LRFN5: variants seen among roughly 807,000 people sequenced by gnomAD.
The protein encoded by LRFN5 is leucine-rich repeat and fibronectin type-III domain-containing protein 5.
A neutral mutation model predicts 45.6 loss-of-function variants in LRFN5; 24 were observed. The ratio of observed to expected loss-of-function variants is 0.53; its 90% CI spans 0.38 to 0.74. LRFN5 has a LOEUF of 0.74. Among genes scored for constraint, LRFN5 ranks in the 30% least tolerant of loss-of-function variants. LRFN5 has a pLI of 0.00. For missense variants in LRFN5, 776 were observed against 861.5 expected (o/e 0.90, Z 1.24); for synonymous variants, 340 against 313.8 (o/e 1.08, Z -0.88).
At chr14:41,792,033 A>G (rs770306592) in intron 2 of LRFN5, among the ~76,000 whole-genome samples, 3 of 152,054 alleles carry the variant, frequency 2.0e-5, no homozygotes, top group Admixed American at 6.6e-5. Context: ...TCTATTTTCC[A>G]TAAGTGTTGG....
At chr14:41,715,483 G>T (rs1461037519) in intron 1 of LRFN5, among the ~76,000 whole-genome samples, 1 of 152,098 alleles carries the variant, frequency 6.6e-6, no homozygotes, top group Non-Finnish European at 1.5e-5. Flanking sequence ...ACCTTATGTG[G>T]TATCTCACCT....
chr14:41,825,013 G>A (rs935826724), intron 2 of LRFN5, among the ~76,000 whole-genome samples: 13 of 152,182 alleles, frequency 8.5e-5, no homozygotes, highest in African/African-American at 2.9e-4. Flanking sequence ...GTTAATGGCT[G>A]TGGAAAATGC....
intron 2 of LRFN5, among the ~76,000 whole-genome samples, chr14:41,800,113 A>G (rs1008668370): frequency 1.3e-5 from 2 of 152,070 alleles, no homozygotes; most frequent in Non-Finnish European, 1.5e-5. Flanking sequence ...GGGCACTTCC[A>G]AAATTTGACA....
intron 1 of LRFN5, among the ~76,000 whole-genome samples, chr14:41,630,165 A>G (rs923218780): frequency 6.6e-6 from 1 of 152,144 alleles, no homozygotes; most frequent in African/African-American, 2.4e-5. Flanking sequence ...AATGCTAAGC[A>G]AAAGATTCAC....
chr14:41,729,052 G>T (rs1884056591), intron 1 of LRFN5, among the ~76,000 whole-genome samples: 1 of 152,124 alleles, frequency 6.6e-6, no homozygotes, highest in Admixed American at 6.6e-5. Flanking sequence ...CCAACAATGA[G>T]CTCAGTTTTT....
intron 2 of LRFN5, among the ~76,000 whole-genome samples, chr14:41,836,518 A>G (rs1318712520): frequency 6.6e-6 from 1 of 152,072 alleles, no homozygotes; most frequent in African/African-American, 2.4e-5. Context: ...GCATGTTTGT[A>G]TTTGTTATAG....
chr14:41,866,811 A>G (rs1889854987), intron 2 of LRFN5, among the ~76,000 whole-genome samples: 1 of 152,150 alleles, frequency 6.6e-6, no homozygotes, highest in South Asian at 2.1e-4. Flanking sequence ...TGATTTTAAC[A>G]CACATATGAC....
intron 2 of LRFN5, among the ~76,000 whole-genome samples, chr14:41,881,093 G>C (rs898962491): frequency 6.6e-6 from 1 of 152,030 alleles, no homozygotes; most frequent in Admixed American, 6.5e-5. Context: ...CATCCCATTC[G>C]TGTTTGAAGT....
At chr14:41,667,555 C>T (rs374711542) in intron 1 of LRFN5, among the ~76,000 whole-genome samples, 2 of 152,252 alleles carry the variant, frequency 1.3e-5, no homozygotes, top group African/African-American at 2.4e-5. Context: ...CTGGTGTCCA[C>T]GCTCCTGCCC....
At chr14:41,803,922 G>A (rs1466506910) in intron 2 of LRFN5, among the ~76,000 whole-genome samples, 1 of 152,094 alleles carries the variant, frequency 6.6e-6, no homozygotes, top group Non-Finnish European at 1.5e-5. Context: ...GGAGTGCAGT[G>A]GCACGATCTA....
At chr14:41,699,445 A>T (rs976440581) in intron 1 of LRFN5, 2 of 152,130 alleles carry the variant, frequency 1.3e-5, no homozygotes, top group Non-Finnish European at 1.5e-5. Flanking sequence ...TGAGAGATAG[A>T]ACAACATGTT....
At chr14:41,769,156 G>A (rs1885992249) in intron 2 of LRFN5, among the ~76,000 whole-genome samples, 1 of 151,272 alleles carries the variant, frequency 6.6e-6, no homozygotes, top group Non-Finnish European at 1.5e-5. Flanking sequence ...AAAATTCATA[G>A]GACATCCATT....
intron 2 of LRFN5, among the ~76,000 whole-genome samples, chr14:41,795,578 A>G (rs540810449): frequency 6.6e-6 from 1 of 152,248 alleles, no homozygotes; most frequent in African/African-American, 2.4e-5. Context: ...CATATACACC[A>G]TGGAATGCTA....
intron 2 of LRFN5, among the ~76,000 whole-genome samples, chr14:41,775,783 CAAAT>C (rs1197055196): frequency 6.6e-6 from 1 of 152,094 alleles, no homozygotes; most frequent in Admixed American, 6.6e-5. Context: ...GGAATATTCA[CAAAT>C]AAAATTATAT....
Position 41,688,917 on chromosome 14 carries a change from A to G in LRFN5, c.-196-77937A>G, listed in dbSNP as rs1237081578. ...GTGAGACCCTATTTCTACCAAAAAA[A>G]AAAAAAAAAAAGGAAAAAGAAAAAA... On this transcript the variant is annotated intron_variant, in intron 1 of 5. Transcript: ENST00000298119. Among the ~76,000 whole-genome samples the G allele has an allele frequency of 4.6e-5, 7 of 151,040 alleles. No individual in the cohort carries two copies. The South Asian group carries it at 1.2e-3, about 27-fold the overall frequency.
At chr14:41,643,085 G>C (rs1322190496) in intron 1 of LRFN5, among the ~76,000 whole-genome samples, 2 of 152,182 alleles carry the variant, frequency 1.3e-5, no homozygotes, top group Admixed American at 6.5e-5. Flanking sequence ...TATAATTTAG[G>C]AGCAAAATAC....
At chr14:41,825,489 G>A (rs1029862142) in intron 2 of LRFN5, among the ~76,000 whole-genome samples, 4 of 152,288 alleles carry the variant, frequency 2.6e-5, no homozygotes, top group African/African-American at 9.6e-5. Flanking sequence ...CCTTTGTCCC[G>A]AGGGGCATTC....
rs557190284 is a variant in LRFN5 at position 41,880,777 on chromosome 14, A to G, written c.-20-5829A>G. ...ATTTAAAAAAAATTCCCTTTTTCCT[A>G]TCGTGTCATTTCATGTGTTTTGAAG... On this transcript the variant is annotated intron_variant, in intron 2 of 5. Coordinates refer to ENST00000298119, the MANE Select transcript of LRFN5 (RefSeq NM_152447.5). 2.6e-5 allele frequency among the ~76,000 whole-genome samples: 4 copies of G among 152,124 alleles called. No individual in the cohort carries two copies. The East Asian group carries it at 5.8e-4, about 22-fold the overall frequency.
Position 41,887,369 on chromosome 14 carries a change from G to A in LRFN5, c.744G>A (p.Leu248=). Residue 248 remains leucine (L), a synonymous_variant, in exon 3 of 6, where the codon TTG becomes TTA. Coordinates refer to ENST00000298119, the MANE Select transcript of LRFN5 (RefSeq NM_152447.5). This position sits in a 1 kb window ranked among gnomAD's most constrained non-coding sequence, Gnocchi z 4.8. ...ACCCCTTGCATTGCAATTGTGAATT[G>A]TTGTGGTTGAGGCGTCTGTCCAGAG... ...GGNPLHCNCE[L]LWLRRLSRED... is the part of the protein sequence containing the mutation. 6.2e-7 allele frequency: 1 copy of A among 1,614,186 alleles called. No individual in the cohort carries two copies. Among genetic ancestry groups the A allele is most frequent in the Non-Finnish European group, 8.5e-7 (1 of 1,180,026 alleles).
Sources: allele counts gnomAD v4.1 joint callset (sites outside exome capture counted in the v4.1 genomes callset), GRCh38; gene constraint gnomAD v4.1.1; non-coding constraint Gnocchi (gnomAD v3.1); transcripts MANE v1.5; gene names NCBI Gene and HGNC (gene_info 2026-07-23, HGNC 2026-07-21).